Variants in MAST4 observed in about 807,000 individuals in gnomAD.
The protein encoded by MAST4 is microtubule associated serine/threonine kinase family member 4.
MAST4 carries 89 observed loss-of-function variants against 162.7 expected under a neutral mutation model. The observed-to-expected ratio is 0.55, with a 90% CI of 0.46 to 0.65. The LOEUF (loss-of-function observed/expected upper bound fraction) is 0.65, where lower values mean the gene tolerates loss of function less well. Ranked by LOEUF, MAST4 falls within the 30% of genes least tolerant of loss-of-function variation. The pLI is 0.00. For missense variants in MAST4, 3,153 were observed against 3,374.0 expected, an observed-to-expected ratio of 0.93 and a Z score of 1.62; for synonymous variants, 1,479 against 1,361.1, an observed-to-expected ratio of 1.09 and a Z score of -1.91.
At chr5:66,916,323 G>C (rs1290573471) in intron 4 of MAST4, among the ~76,000 whole-genome samples, 2 of 152,160 alleles carry the variant, frequency 1.3e-5, no homozygotes, top group Non-Finnish European at 2.9e-5. Flanking sequence ...TACACAGGGG[G>C]GAAAGAGAGA....
intron 4 of MAST4, among the ~76,000 whole-genome samples, chr5:66,964,661 C>T (rs771443618): frequency 4.6e-5 from 7 of 152,030 alleles, no homozygotes; most frequent in Non-Finnish European, 1.0e-4. Flanking sequence ...ATTAGCCGGG[C>T]GTGGTGGTGG....
intron 5 of MAST4, among the ~76,000 whole-genome samples, chr5:67,056,119 A>G (rs992229310): frequency 6.6e-6 from 1 of 151,764 alleles, no homozygotes; most frequent in East Asian, 1.9e-4. Context: ...AAAGCAAAAC[A>G]TGGTAATGTT....
intron 4 of MAST4, among the ~76,000 whole-genome samples, chr5:66,987,699 T>C (rs1012870001): frequency 6.6e-6 from 1 of 152,210 alleles, no homozygotes; most frequent in Non-Finnish European, 1.5e-5. Context: ...GTACAGATCA[T>C]GTCAAATATT....
At chr5:67,011,357 C>T (rs570097632) in intron 4 of MAST4, among the ~76,000 whole-genome samples, 7 of 152,306 alleles carry the variant, frequency 4.6e-5, no homozygotes, top group Admixed American at 4.6e-4. Flanking sequence ...TCCTCCCACT[C>T]CTTGCTTTGC....
At chr5:67,130,446 G>A (rs780891888) in intron 15 of MAST4, 28 bp downstream of exon 15, 15 of 1,605,998 alleles carry the variant, frequency 9.3e-6, no homozygotes, top group Non-Finnish European at 1.2e-5. Flanking sequence ...CATGACACCT[G>A]TACCCAGGAA....
intron 3 of MAST4, among the ~76,000 whole-genome samples, chr5:66,806,727 A>G (rs1040708980): frequency 3.3e-5 from 5 of 152,212 alleles, no homozygotes; most frequent in Admixed American, 2.0e-4. Context: ...ACCATTCTTA[A>G]CATCTTTAAG....
intron 2 of MAST4, among the ~76,000 whole-genome samples, chr5:66,766,629 C>G (rs1237972564): frequency 6.6e-6 from 1 of 151,952 alleles, no homozygotes; most frequent in Non-Finnish European, 1.5e-5. Flanking sequence ...CAATGGGTTT[C>G]TCATCCTAAA....
rs1769365633 is a variant in MAST4 at position 67,134,391 on chromosome 5, A to G, written c.2227-132A>G. ...TATCTTTTTATAATTGGTGCTCTTA[A>G]GTTCTTTGTCCATGTGGTTCCATGT... On this transcript the variant is annotated intron_variant, in intron 17 of 28. Coordinates refer to ENST00000403625, the MANE Select transcript of MAST4 (RefSeq NM_001164664.2). 6 of 591,980 alleles carry G rather than the reference A, an allele frequency of 1.0e-5. No individual in the cohort carries two copies. The South Asian group carries it at 1.8e-4, about 17-fold the overall frequency. The allele number at this position is 591,980 out of a possible 1,614,324, so 36.7% of individuals were successfully genotyped here.
chr5:67,099,096 A>G (rs928717039), intron 7 of MAST4, among the ~76,000 whole-genome samples: 2 of 151,962 alleles, frequency 1.3e-5, no homozygotes, highest in African/African-American at 4.8e-5. Flanking sequence ...TAGATTCTTA[A>G]TTCTGTTTGT....
At chr5:66,749,644 T>C (rs75635671) in intron 1 of MAST4, among the ~76,000 whole-genome samples, 1 of 152,230 alleles carries the variant, frequency 6.6e-6, no homozygotes, top group Non-Finnish European at 1.5e-5. Flanking sequence ...CATGGTGCAC[T>C]TCCTTTGTGC....
intron 1 of MAST4, among the ~76,000 whole-genome samples, chr5:66,754,697 T>C (rs1753417511): frequency 6.6e-6 from 1 of 152,226 alleles, no homozygotes; most frequent in Non-Finnish European, 1.5e-5. Flanking sequence ...CATGTAACTT[T>C]AATTTTAGCA....
intron 4 of MAST4, among the ~76,000 whole-genome samples, chr5:66,969,472 C>T (rs949174914): frequency 1.6e-4 from 24 of 152,184 alleles, no homozygotes; most frequent in African/African-American, 5.6e-4. Context: ...AGTGCAATAA[C>T]TTTTTGTGAG....
At chr5:66,639,313 T>TGTGTGTGTGTGTGTGTG (rs1554037879) in intron 1 of MAST4, among the ~76,000 whole-genome samples, 26 of 151,096 alleles carry the variant, frequency 1.7e-4, no homozygotes, top group South Asian at 1.0e-3. Flanking sequence ...TGTGTGTGTG[T>TGTGTGTGTGTGTGTGTG]TTTAAGAAGA....
chr5:66,626,468 G>A (rs537054455), intron 1 of MAST4, among the ~76,000 whole-genome samples: 1 of 152,302 alleles, frequency 6.6e-6, no homozygotes, highest in African/African-American at 2.4e-5. Flanking sequence ...CTCTTCCGCT[G>A]CACTGTTAGT....
At position 66,976,142 on chromosome 5, in the gene MAST4, G is replaced by T. The variant is rs557062262; in HGVS notation, c.674+76160G>T. On this transcript the variant is annotated intron_variant, in intron 4 of 28. Coordinates refer to ENST00000403625, the MANE Select transcript of MAST4 (RefSeq NM_001164664.2). ...ACCTCATGGGATCATTGCGTCTGCT[G>T]TTGCCATGTGCATGTACCATGTACA... 7.2e-4 allele frequency among the ~76,000 whole-genome samples: 109 copies of T among 152,324 alleles called. 2 individuals carry two copies. The highest frequency in any genetic ancestry group is 3.9e-4 in the East Asian group (2 of 5,184).
intron 4 of MAST4, among the ~76,000 whole-genome samples, chr5:66,980,932 C>A (rs1162059297): frequency 6.6e-6 from 1 of 152,134 alleles, no homozygotes; most frequent in Non-Finnish European, 1.5e-5. Context: ...CAAGTCACCC[C>A]CTCTTACCCG....
intron 3 of MAST4, among the ~76,000 whole-genome samples, chr5:66,848,591 G>A (rs900250927): frequency 7.9e-5 from 12 of 152,122 alleles, no homozygotes; most frequent in African/African-American, 2.9e-4. Flanking sequence ...GCTTTATATT[G>A]TTATTGCCTT....
At chr5:66,703,188 A>T (rs1017969788) in intron 1 of MAST4, among the ~76,000 whole-genome samples, 4 of 152,130 alleles carry the variant, frequency 2.6e-5, no homozygotes, top group African/African-American at 9.7e-5. Flanking sequence ...CTTCTCAAGA[A>T]TTCCTTTGGC....
chr5:66,650,643 A>G (rs1339669366), intron 1 of MAST4, among the ~76,000 whole-genome samples: 1 of 152,216 alleles, frequency 6.6e-6, no homozygotes, highest in African/African-American at 2.4e-5. Context: ...TAAGTTCCTG[A>G]AAATTTAATG....
Sources: allele counts gnomAD v4.1 joint callset (sites outside exome capture counted in the v4.1 genomes callset), GRCh38; gene constraint gnomAD v4.1.1; transcripts MANE v1.5; gene names NCBI Gene and HGNC (gene_info 2026-07-23, HGNC 2026-07-21).